Variants in TM9SF2 observed in about 807,000 individuals in gnomAD.
The protein encoded by TM9SF2 is transmembrane 9 superfamily member 2, also known as 76 kDa membrane protein.
In TM9SF2, 13 loss-of-function variants were observed where a neutral mutation model predicts 84.9. The ratio of observed to expected loss-of-function variants is 0.15; its 90% CI spans 0.10 to 0.24. The LOEUF (loss-of-function observed/expected upper bound fraction) is 0.24, where lower values mean the gene tolerates loss of function less well. Ranked by LOEUF, TM9SF2 falls within the 10% of genes least tolerant of loss-of-function variation. The pLI is 1.00. For missense variants in TM9SF2, 562 were observed against 818.5 expected (o/e 0.69, Z 3.82); for synonymous variants, 273 against 285.8 (o/e 0.96, Z 0.45).
intron 4 of TM9SF2, among the ~76,000 whole-genome samples, 181 bp from the exon 5 acceptor site, chr13:99,536,427 G>A (rs1055059450): frequency 6.6e-6 from 1 of 151,734 alleles, no homozygotes; most frequent in East Asian, 1.9e-4. Context: ...CAGTGTATCA[G>A]ATACTGGCAT....
At chr13:99,556,262 A>G (rs955331125) in intron 15 of TM9SF2, among the ~76,000 whole-genome samples, 4 of 152,228 alleles carry the variant, frequency 2.6e-5, no homozygotes, top group Non-Finnish European at 5.9e-5. Context: ...ATAACAGAAA[A>G]TGAACCATTT....
chr13:99,524,842 G>A (rs1939564857), intron 3 of TM9SF2, among the ~76,000 whole-genome samples: 1 of 151,878 alleles, frequency 6.6e-6, no homozygotes, highest in Admixed American at 6.5e-5. Context: ...GGAATTACAG[G>A]CGTGAGGCTC....
chr13:99,559,613 A>T, intron 16 of TM9SF2, 79 bp downstream of exon 16: 1 of 1,354,490 alleles, frequency 7.4e-7, no homozygotes, highest in Non-Finnish European at 9.9e-7. Context: ...TCTTTTTTAA[A>T]ACCCATGAAG....
In TM9SF2 at chr13:99,508,443, A is replaced by ACACACACACACACC. The variant is rs1311954976; in HGVS notation, c.171+6667_171+6668insACACACACACACCC. On this transcript the variant is annotated intron_variant, in intron 1 of 16. Coordinates refer to ENST00000376387, the MANE Select transcript of TM9SF2 (RefSeq NM_004800.3). ...CACACACACACACACACACACACAC[A>ACACACACACACACC]CCCCAGAGATTCAGTAGCTACTCCA... 1.5e-3 allele frequency among the ~76,000 whole-genome samples: 214 copies of ACACACACACACACC among 147,542 alleles called. 1 individual carries two copies. The highest frequency in any genetic ancestry group is 7.0e-3 in the East Asian group (35 of 5,010).
intron 6 of TM9SF2, among the ~76,000 whole-genome samples, chr13:99,538,100 G>A (rs1330853739): frequency 6.6e-6 from 1 of 152,136 alleles, no homozygotes; most frequent in African/African-American, 2.4e-5. Flanking sequence ...TTTTCAGTCA[G>A]GAGGTTTTGA....
intron 2 of TM9SF2, among the ~76,000 whole-genome samples, chr13:99,519,087 C>CTA (rs2046147739): frequency 6.6e-6 from 1 of 152,106 alleles, no homozygotes; most frequent in African/African-American, 2.4e-5. Context: ...AAAGTTACGA[C>CTA]TATCCTAAAG....
At chr13:99,535,569 T>C (rs2046230391) in intron 4 of TM9SF2, among the ~76,000 whole-genome samples, 1 of 152,226 alleles carries the variant, frequency 6.6e-6, no homozygotes, top group Admixed American at 6.5e-5. Flanking sequence ...ATAAGCAGTT[T>C]AATAGTATAG....
Position 99,536,620 on chromosome 13 carries a change from T to C in TM9SF2, c.474T>C (p.Asn158=). The C allele has an allele frequency of 6.2e-7, 1 of 1,613,602 alleles. No individual in the cohort carries two copies. Among genetic ancestry groups the C allele is most frequent in the East Asian group, 2.2e-5 (1 of 44,844 alleles). Residue 158 remains asparagine (N), a synonymous_variant, in exon 5 of 17, where the codon AAT becomes AAC. Transcript: ENST00000376387. The stretch of plus-strand genomic sequence containing the variant: ...TTTCCATGTGTAGGATTGTGGATAA[T>C]ATGCCTGTAACGTGGTGTTACGATG... ...LNYQHHWIVD[N]MPVTWCYDVE...
intron 1 of TM9SF2, among the ~76,000 whole-genome samples, chr13:99,515,614 AT>A (rs1303568939): frequency 6.6e-6 from 1 of 152,102 alleles, no homozygotes; most frequent in African/African-American, 2.4e-5. Context: ...TCTTCTGAAT[AT>A]TACTAAATTT....
chr13:99,544,841 G>A (rs193258905), intron 10 of TM9SF2, among the ~76,000 whole-genome samples: 15 of 152,228 alleles, frequency 9.9e-5, no homozygotes, highest in African/African-American at 2.9e-4. Flanking sequence ...AGCGACTTCA[G>A]AAATTGTATT....
At chr13:99,508,585 T>C (rs1594043965) in intron 1 of TM9SF2, among the ~76,000 whole-genome samples, 1 of 152,070 alleles carries the variant, frequency 6.6e-6, no homozygotes, top group African/African-American at 2.4e-5. Context: ...AGATGTTTAA[T>C]TGGCCCACAG....
chr13:99,518,026 C>T (rs1373752484), intron 2 of TM9SF2, among the ~76,000 whole-genome samples: 1 of 152,176 alleles, frequency 6.6e-6, no homozygotes, highest in East Asian at 1.9e-4. Flanking sequence ...TCTACCTCCA[C>T]ATTTTTTCTC....
At chr13:99,556,406 C>G (rs952339960) in intron 15 of TM9SF2, among the ~76,000 whole-genome samples, 21 of 152,190 alleles carry the variant, frequency 1.4e-4, no homozygotes, top group African/African-American at 4.8e-4. Context: ...TCATTCCTCA[C>G]TTCCCCCAGG....
chr13:99,521,142 A>G (rs2046158374), intron 3 of TM9SF2, among the ~76,000 whole-genome samples: 1 of 152,232 alleles, frequency 6.6e-6, no homozygotes, highest in Non-Finnish European at 1.5e-5. Flanking sequence ...ATAATGTATC[A>G]CCATATAAAA....
At chr13:99,533,510 C>T (rs1186127594) in intron 4 of TM9SF2, among the ~76,000 whole-genome samples, 5 of 152,152 alleles carry the variant, frequency 3.3e-5, no homozygotes, top group South Asian at 4.1e-4. Context: ...TAACCTCCTC[C>T]GTCTTTTCCA....
chr13:99,523,367 T>C (rs558633826), intron 3 of TM9SF2, among the ~76,000 whole-genome samples: 4 of 152,170 alleles, frequency 2.6e-5, no homozygotes, highest in African/African-American at 9.6e-5. Context: ...CCCAGGCTGG[T>C]CTTGAACTCC....
chr13:99,513,930 CCCTTTACAGG>C (rs2046123812), intron 1 of TM9SF2, among the ~76,000 whole-genome samples: 1 of 152,080 alleles, frequency 6.6e-6, no homozygotes, highest in Non-Finnish European at 1.5e-5. Context: ...TACTCTCTGG[CCCTTTACAGG>C]AAAAGTTTGC....
At chr13:99,524,091 A>G (rs1257773204) in intron 3 of TM9SF2, among the ~76,000 whole-genome samples, 1 of 152,176 alleles carries the variant, frequency 6.6e-6, no homozygotes, top group Non-Finnish European at 1.5e-5. Flanking sequence ...ACATTATAGA[A>G]TGACTCAGAG....
intron 11 of TM9SF2, among the ~76,000 whole-genome samples, chr13:99,547,412 A>T (rs576022862): frequency 4.6e-5 from 7 of 152,208 alleles, no homozygotes; most frequent in African/African-American, 1.7e-4. Context: ...GTGTTCATAG[A>T]AGCACATATA....
Sources: gnomAD v4.1 joint callset for allele counts (sites outside exome capture counted in the v4.1 genomes callset) on GRCh38, gnomAD v4.1.1 for gene constraint, MANE v1.5 for transcripts, NCBI Gene and HGNC (gene_info 2026-07-23, HGNC 2026-07-21) for gene names.